Variants in HS3ST5 observed in about 807,000 individuals in gnomAD.
HS3ST5 encodes heparan sulfate glucosamine 3-O-sulfotransferase 5.
Under a neutral mutation model 25.4 loss-of-function variants are expected in HS3ST5, and 10 were observed. The ratio of observed to expected loss-of-function variants is 0.39; its 90% CI spans 0.24 to 0.67. The LOEUF is 0.67. Among genes scored for constraint, HS3ST5 ranks in the 30% least tolerant of loss-of-function variants. HS3ST5 has a pLI of 0.44. For synonymous variants in HS3ST5, 170 were observed against 162.4 expected (o/e 1.05, Z -0.36); for missense variants, 324 against 420.7 (o/e 0.77, Z 2.01).
Position 114,308,226 on chromosome 6 carries a change from C to T in HS3ST5, c.-339+33969G>A, listed in dbSNP as rs528284175. 2.6e-5 allele frequency among the ~76,000 whole-genome samples: 4 copies of T among 152,274 alleles called. No individual in the cohort carries two copies. In the East Asian group the frequency reaches 7.7e-4, roughly 29 times the overall value. Reference sequence around the variant, plus strand: ...AAAATTATCTCTGGAGCATAAGTCTCTTAAACTTAATATTCTTGTACTTAT... The same window carrying T: ...AAAATTATCTCTGGAGCATAAGTCTTTTAAACTTAATATTCTTGTACTTAT... On this transcript the variant is annotated intron_variant, in intron 1 of 4. Coordinates refer to ENST00000312719, the MANE Select transcript of HS3ST5 (RefSeq NM_153612.4).
At chr6:114,216,113 G>A (rs971625228) in intron 2 of HS3ST5, among the ~76,000 whole-genome samples, 2 of 152,200 alleles carry the variant, frequency 1.3e-5, no homozygotes. Context: ...TTACCACAAA[G>A]AGGAAACATG....
At chr6:114,305,857 T>C (rs1775266236) in intron 1 of HS3ST5, among the ~76,000 whole-genome samples, 1 of 152,018 alleles carries the variant, frequency 6.6e-6, no homozygotes, top group Non-Finnish European at 1.5e-5. Flanking sequence ...TTAATATTAT[T>C]ATGGGACTCT....
At chr6:114,246,779 C>T (rs964270509) in intron 1 of HS3ST5, among the ~76,000 whole-genome samples, 2 of 152,056 alleles carry the variant, frequency 1.3e-5, no homozygotes, top group Non-Finnish European at 2.9e-5. Flanking sequence ...TTGTAGTCAC[C>T]GAAAAGAATA....
chr6:114,113,496 G>C (rs1230846320), intron 3 of HS3ST5, among the ~76,000 whole-genome samples: 1 of 151,580 alleles, frequency 6.6e-6, no homozygotes, highest in Non-Finnish European at 1.5e-5. Flanking sequence ...TATTCCTTCT[G>C]CTTGGAATGA....
intron 2 of HS3ST5, among the ~76,000 whole-genome samples, chr6:114,188,620 A>G (rs988608811): frequency 6.6e-6 from 1 of 152,002 alleles, no homozygotes; most frequent in African/African-American, 2.4e-5. Context: ...TATTATCTTT[A>G]TTAATATCAT....
At chr6:114,338,290 GTATATATACATACACATTGTGTA>G (rs1302748693) in intron 1 of HS3ST5, among the ~76,000 whole-genome samples, 1 of 130,626 alleles carries the variant, frequency 7.7e-6, no homozygotes, top group Non-Finnish European at 1.8e-5. Context: ...TATGTACAAT[GTATATATACATACACATTGTGTA>G]TATATATACA....
intron 1 of HS3ST5, among the ~76,000 whole-genome samples, chr6:114,316,486 T>G (rs1410005217): frequency 6.6e-6 from 1 of 152,182 alleles, no homozygotes; most frequent in Admixed American, 6.5e-5. Context: ...AGATGAGCAC[T>G]GAAATCAAAT....
intron 1 of HS3ST5, among the ~76,000 whole-genome samples, chr6:114,246,691 A>T (rs1001811865): frequency 1.3e-5 from 2 of 152,228 alleles, no homozygotes; most frequent in African/African-American, 4.8e-5. Flanking sequence ...TCTTCTACTC[A>T]AAATCAAGTT....
At chr6:114,270,169 G>GA in intron 1 of HS3ST5, among the ~76,000 whole-genome samples, 1 of 152,240 alleles carries the variant, frequency 6.6e-6, no homozygotes, top group Admixed American at 6.5e-5. Flanking sequence ...TAGTAAATGA[G>GA]AAAAAAGAAG....
intron 3 of HS3ST5, among the ~76,000 whole-genome samples, chr6:114,138,526 T>C (rs1430584046): frequency 6.6e-6 from 1 of 152,226 alleles, no homozygotes; most frequent in Non-Finnish European, 1.5e-5. Context: ...TGAGTTGGAA[T>C]GAGCAGGTAA....
chr6:114,259,818 C>G (rs1163887493), intron 1 of HS3ST5, among the ~76,000 whole-genome samples: 1 of 152,122 alleles, frequency 6.6e-6, no homozygotes, highest in Admixed American at 6.5e-5. Flanking sequence ...CCACAATGCA[C>G]AGGTTTCATG....
At chr6:114,128,161 TA>T (rs1777143176) in intron 3 of HS3ST5, among the ~76,000 whole-genome samples, 1 of 152,146 alleles carries the variant, frequency 6.6e-6, no homozygotes, top group East Asian at 1.9e-4. Context: ...AATTCTGATA[TA>T]CACCTCTGGT....
intron 3 of HS3ST5, among the ~76,000 whole-genome samples, chr6:114,123,941 T>G (rs565411377): frequency 1.3e-5 from 2 of 152,342 alleles, no homozygotes; most frequent in Admixed American, 1.3e-4. Flanking sequence ...AAGAATTATA[T>G]AAGGATACCA....
chr6:114,061,153 A>G (rs1451912467), intron 4 of HS3ST5, among the ~76,000 whole-genome samples: 1 of 152,218 alleles, frequency 6.6e-6, no homozygotes, highest in Non-Finnish European at 1.5e-5. Flanking sequence ...AGAATCATCA[A>G]CTAAATAATA....
At chr6:114,335,518 T>C (rs1437219637) in intron 1 of HS3ST5, among the ~76,000 whole-genome samples, 2 of 152,178 alleles carry the variant, frequency 1.3e-5, no homozygotes, top group Non-Finnish European at 2.9e-5. Context: ...TTCAATTCCA[T>C]AGCAAAAACT....
At chr6:114,151,144 A>G (rs1172174488) in intron 3 of HS3ST5, among the ~76,000 whole-genome samples, 1 of 152,210 alleles carries the variant, frequency 6.6e-6, no homozygotes, top group Non-Finnish European at 1.5e-5. Flanking sequence ...CATGCCTTAC[A>G]AATTAATCAT....
At chr6:114,134,697 G>C (rs924004552) in intron 3 of HS3ST5, among the ~76,000 whole-genome samples, 3 of 152,184 alleles carry the variant, frequency 2.0e-5, no homozygotes, top group Non-Finnish European at 4.4e-5. Flanking sequence ...TGTGCAACAA[G>C]GGCTGCTGGA....
At chr6:114,272,198 A>T (rs1182252551) in intron 1 of HS3ST5, among the ~76,000 whole-genome samples, 1 of 152,096 alleles carries the variant, frequency 6.6e-6, no homozygotes, top group Non-Finnish European at 1.5e-5. Flanking sequence ...CTTTACATGT[A>T]CAGAATTTTG....
At chr6:114,104,190 C>G (rs1405010045) in intron 3 of HS3ST5, among the ~76,000 whole-genome samples, 1 of 152,124 alleles carries the variant, frequency 6.6e-6, no homozygotes, top group Non-Finnish European at 1.5e-5. Flanking sequence ...CCTCTGACCC[C>G]TAGTCTGAGT....
Sources: allele counts gnomAD v4.1 joint callset (sites outside exome capture counted in the v4.1 genomes callset), GRCh38; gene constraint gnomAD v4.1.1; transcripts MANE v1.5; gene names NCBI Gene and HGNC (gene_info 2026-07-23, HGNC 2026-07-21).